The following NKAIN3 variants were observed in gnomAD, a reference collection of about 807,000 sequenced individuals.
NKAIN3 encodes the protein sodium/potassium transporting ATPase interacting 3.
Under a neutral mutation model 30.2 loss-of-function variants are expected in NKAIN3, and 25 were observed. The observed-to-expected ratio is 0.83, with a 90% CI of 0.60 to 1.16. The LOEUF (loss-of-function observed/expected upper bound fraction) is 1.16, where lower values mean the gene tolerates loss of function less well. Ranked by LOEUF, NKAIN3 falls within the 50% of genes most tolerant of loss-of-function variation. The pLI, the probability that NKAIN3 is intolerant of heterozygous loss-of-function variation, is 0.00. For missense variants in NKAIN3, 225 were observed against 254.1 expected, an observed-to-expected ratio of 0.89 and a Z score of 0.78; for synonymous variants, 91 against 89.6, an observed-to-expected ratio of 1.02 and a Z score of -0.09.
chr8:62,772,415 C>T (rs1375198929), intron 4 of NKAIN3, among the ~76,000 whole-genome samples: 4 of 152,102 alleles, frequency 2.6e-5, no homozygotes, highest in Non-Finnish European at 5.9e-5. Flanking sequence ...CGTCCAAAGT[C>T]TTCTCCACAG....
chr8:62,888,086 A>G (rs1262009986), intron 4 of NKAIN3, among the ~76,000 whole-genome samples: 3 of 152,196 alleles, frequency 2.0e-5, no homozygotes, highest in Admixed American at 6.5e-5. Flanking sequence ...GAGCCTCTGA[A>G]TTGTGACCTT....
At chr8:62,642,278 G>A (rs1002473551) in intron 3 of NKAIN3, among the ~76,000 whole-genome samples, 1 of 152,028 alleles carries the variant, frequency 6.6e-6, no homozygotes, top group Non-Finnish European at 1.5e-5. Context: ...AACTGTCATC[G>A]AAACCTCAGT....
At chr8:62,432,430 A>G (rs1805039206) in intron 1 of NKAIN3, among the ~76,000 whole-genome samples, 1 of 152,136 alleles carries the variant, frequency 6.6e-6, no homozygotes. Context: ...GCATTAGCAG[A>G]GAGGATTGTA....
At chr8:62,491,904 G>GA (rs759214638) in intron 1 of NKAIN3, among the ~76,000 whole-genome samples, 1 of 152,114 alleles carries the variant, frequency 6.6e-6, no homozygotes, top group Non-Finnish European at 1.5e-5. Context: ...AAGAAGAGAT[G>GA]AAAAAATGTG....
intron 1 of NKAIN3, among the ~76,000 whole-genome samples, chr8:62,499,341 G>T (rs1563426773): frequency 6.6e-6 from 1 of 151,986 alleles, no homozygotes; most frequent in Non-Finnish European, 1.5e-5. Flanking sequence ...AGTACTCATG[G>T]TATCTGAAAT....
intron 1 of NKAIN3, among the ~76,000 whole-genome samples, chr8:62,281,387 C>T (rs147550105): frequency 5.6e-4 from 85 of 152,234 alleles, no homozygotes; most frequent in African/African-American, 1.9e-3. Flanking sequence ...CAATTCTGCT[C>T]TGATCTTAGT....
chr8:62,261,411 C>T (rs1345256520), intron 1 of NKAIN3, among the ~76,000 whole-genome samples: 2 of 152,162 alleles, frequency 1.3e-5, no homozygotes, highest in African/African-American at 4.8e-5. Context: ...ATAGGTTGCA[C>T]TTCTAGGTGA....
chr8:62,277,565 A>G (rs1806556998), intron 1 of NKAIN3, among the ~76,000 whole-genome samples: 1 of 152,244 alleles, frequency 6.6e-6, no homozygotes, highest in African/African-American at 2.4e-5. Flanking sequence ...ATGAAAATTT[A>G]TCATCTTCTC....
intron 1 of NKAIN3, among the ~76,000 whole-genome samples, chr8:62,301,680 A>T (rs1814054741): frequency 6.6e-6 from 1 of 152,100 alleles, no homozygotes; most frequent in African/African-American, 2.4e-5. Flanking sequence ...AAGTGAATTA[A>T]TTTTCAAAAC....
chr8:62,949,312 T>C (rs1014113556), intron 5 of NKAIN3, among the ~76,000 whole-genome samples: 1 of 152,186 alleles, frequency 6.6e-6, no homozygotes, highest in Non-Finnish European at 1.5e-5. Flanking sequence ...GGAAACTTCA[T>C]TTGTGTGTCC....
At chr8:62,907,660 GT>G (rs1821820414) in intron 4 of NKAIN3, among the ~76,000 whole-genome samples, 1 of 152,198 alleles carries the variant, frequency 6.6e-6, no homozygotes, top group African/African-American at 2.4e-5. Flanking sequence ...AGCTCAGGCT[GT>G]TGTTTCAGAG....
chr8:62,690,614 G>C lies in NKAIN3; in HGVS notation c.274-56318G>C. On this transcript the variant is annotated intron_variant, in intron 3 of 6. Transcript: ENST00000623646. ...TGGCTGGCAGCACTGAAGAGTAGAC[G>C]GTTGTCCAGAGGCTGGGTAAGTGGG... Among the ~76,000 whole-genome samples the C allele has an allele frequency of 1.3e-5, 2 of 152,146 alleles. 1 individual carries two copies. The highest frequency in any genetic ancestry group is 2.9e-5 in the Non-Finnish European group (2 of 68,012).
Position 62,766,737 on chromosome 8 carries a change from A to G in NKAIN3, c.471+19608A>G, listed in dbSNP as rs572059416. Among the ~76,000 whole-genome samples, 6 of 152,304 alleles carry G rather than the reference A, an allele frequency of 3.9e-5. No individual in the cohort carries two copies. The East Asian group carries it at 1.2e-3, about 29-fold the overall frequency. ...CCCCTCAATTTGGAGTGTGTACTAT[A>G]TAGCTCAGAAATTCCTCACTGAGGG... On this transcript the variant is annotated intron_variant, in intron 4 of 6. Coordinates refer to ENST00000623646, the MANE Select transcript of NKAIN3 (RefSeq NM_001304533.3).
intron 5 of NKAIN3, among the ~76,000 whole-genome samples, chr8:62,952,336 CT>C (rs1322557651): frequency 1.3e-5 from 2 of 152,088 alleles, no homozygotes; most frequent in Non-Finnish European, 1.5e-5. Flanking sequence ...GCACAGGAAA[CT>C]TACAACTGCA....
At chr8:62,346,199 A>G (rs1396241254) in intron 1 of NKAIN3, among the ~76,000 whole-genome samples, 1 of 152,128 alleles carries the variant, frequency 6.6e-6, no homozygotes, top group Non-Finnish European at 1.5e-5. Context: ...ATATTTCAAG[A>G]TAGCTGAAAA....
At chr8:62,853,165 T>C (rs563877409) in intron 4 of NKAIN3, among the ~76,000 whole-genome samples, 1 of 152,342 alleles carries the variant, frequency 6.6e-6, no homozygotes, top group African/African-American at 2.4e-5. Context: ...ATATGTAGAA[T>C]AGTTAGCTCT....
intron 4 of NKAIN3, among the ~76,000 whole-genome samples, chr8:62,826,618 A>G (rs1265140581): frequency 6.6e-6 from 1 of 151,982 alleles, no homozygotes; most frequent in Non-Finnish European, 1.5e-5. Flanking sequence ...TTCCCTAAAC[A>G]CTCCATAATT....
chr8:62,299,726 T>A (rs1813978266), intron 1 of NKAIN3, among the ~76,000 whole-genome samples: 1 of 152,142 alleles, frequency 6.6e-6, no homozygotes, highest in African/African-American at 2.4e-5. Flanking sequence ...TATGGCAATG[T>A]TCATATATAG....
At chr8:62,476,704 C>T (rs1806531603) in intron 1 of NKAIN3, among the ~76,000 whole-genome samples, 1 of 152,168 alleles carries the variant, frequency 6.6e-6, no homozygotes, top group East Asian at 1.9e-4. Context: ...ATCCTCCCGC[C>T]TCTGCCTCCC....
Sources: allele counts gnomAD v4.1 joint callset (sites outside exome capture counted in the v4.1 genomes callset), GRCh38; gene constraint gnomAD v4.1.1; transcripts MANE v1.5; gene names NCBI Gene and HGNC (gene_info 2026-07-23, HGNC 2026-07-21).